The following USH2A variants were observed in gnomAD, a reference collection of about 807,000 sequenced individuals.
The protein encoded by USH2A is Usher syndrome 2A (autosomal recessive, mild).
USH2A carries 443 observed loss-of-function variants against 538.9 expected under a neutral mutation model. The observed-to-expected ratio is 0.82, with a 90% CI of 0.76 to 0.89. The LOEUF (loss-of-function observed/expected upper bound fraction) is 0.89. Among genes scored for constraint, USH2A ranks in the 40% least tolerant of loss-of-function variants. USH2A has a pLI of 0.00. For missense variants in USH2A, 6,633 were observed against 6,324.8 expected (o/e 1.05, Z -1.65); for synonymous variants, 2,413 against 2,273.5 (o/e 1.06, Z -1.75).
chr1:215,812,222 G>A (rs994946514), intron 49 of USH2A, among the ~76,000 whole-genome samples: 1 of 151,818 alleles, frequency 6.6e-6, no homozygotes, highest in Non-Finnish European at 1.5e-5. Flanking sequence ...CCGACTTCAG[G>A]TGATCCACCC....
chr1:216,073,263 C>A lies in USH2A; in HGVS notation c.5610G>T (p.Arg1870=). 1.2e-6 allele frequency: 2 copies of A among 1,613,774 alleles called. No homozygotes were observed. The highest frequency in any genetic ancestry group is 2.7e-5 in the African/African-American group (2 of 75,014). The change falls in exon 28 of 72, where the codon CGG becomes CGT. Residue 1870 remains arginine, a synonymous_variant. Coordinates refer to ENST00000307340, the MANE Select transcript of USH2A (RefSeq NM_206933.4). ...CAGATGCCAAGTTAACGACAGCACCCCGTGTAAATTTAACATCCTTCATGC... is the reference window on the plus strand; with the variant it reads ...CAGATGCCAAGTTAACGACAGCACCACGTGTAAATTTAACATCCTTCATGC... The part of the protein sequence containing the change: ...GGCMKDVKFT[R]GAVVNLASVS...
chr1:216,177,142 G>C (rs950283320), intron 20 of USH2A, among the ~76,000 whole-genome samples: 7 of 152,110 alleles, frequency 4.6e-5, no homozygotes, highest in African/African-American at 7.2e-5. Context: ...CTGCCAAACT[G>C]TCTTCCAAAG....
chr1:216,146,561 C>G (rs572230957), intron 21 of USH2A, among the ~76,000 whole-genome samples: 1 of 152,140 alleles, frequency 6.6e-6, no homozygotes, highest in Non-Finnish European at 1.5e-5. Flanking sequence ...TCTCCTTCAC[C>G]CTTAGCGGCA....
At chr1:216,106,802 C>T (rs2032746957) in intron 21 of USH2A, among the ~76,000 whole-genome samples, 1 of 151,780 alleles carries the variant, frequency 6.6e-6, no homozygotes, top group Non-Finnish European at 1.5e-5. Context: ...CATTTCTCTC[C>T]AGGCCTTACT....
rs1232775410 is a variant in USH2A at position 215,782,282 on chromosome 1, G to A, written c.10586-86C>T. 3.6e-6 allele frequency: 5 copies of A among 1,381,982 alleles called. No individual in the cohort carries two copies. The East Asian group carries it at 1.2e-4, about 32-fold the overall frequency. 85.6% of individuals were successfully genotyped at this position (1,381,982 alleles called of 1,614,324 possible). A position where few individuals can be genotyped will look rare whatever the true frequency, so the allele number is the denominator to read the frequency against. The stretch of plus-strand genomic sequence containing the variant: ...AACTTACAAATCTTAGTGTTCGGAA[G>A]AAATGCAATACTATAGCTTTATTTA... On this transcript the variant is annotated intron_variant, in intron 53 of 71. Transcript: ENST00000307340.
chr1:215,847,545 T>TGAGGCAGTAGGATGGCTTGAGCTCAG (rs1663894074), intron 44 of USH2A, among the ~76,000 whole-genome samples: 1 of 151,574 alleles, frequency 6.6e-6, no homozygotes, highest in African/African-American at 2.4e-5. Flanking sequence ...CTCAGGAAGC[T>TGAGGCAGTAGGATGGCTTGAGCTCAG]GAGGCAGTAG....
chr1:216,380,340 G>A (rs1183936621), intron 3 of USH2A, among the ~76,000 whole-genome samples: 4 of 152,216 alleles, frequency 2.6e-5, no homozygotes, highest in South Asian at 4.1e-4. Flanking sequence ...TATTTATTTG[G>A]AAGCAACACT....
At chr1:215,758,445 A>G in intron 58 of USH2A, 150 bp downstream of exon 58, 1 of 889,640 alleles carries the variant, frequency 1.1e-6, no homozygotes, top group South Asian at 1.6e-5. Context: ...CTATACACTT[A>G]GAAGTGTGGT....
chr1:215,964,017 C>T (rs938726940), intron 37 of USH2A, among the ~76,000 whole-genome samples: 4 of 152,014 alleles, frequency 2.6e-5, no homozygotes, highest in African/African-American at 9.7e-5. Context: ...GTTCTCTTGC[C>T]GCGCAGCTTT....
Position 216,360,608 on chromosome 1 carries a change from G to C in USH2A, c.784+4345C>G, listed in dbSNP as rs556118083. On this transcript the variant is annotated intron_variant, in intron 4 of 71. Coordinates refer to ENST00000307340, the MANE Select transcript of USH2A (RefSeq NM_206933.4). ...ATATACCGCTCTGGTGAGGGATATT[G>C]ACAATGGGGAAGGCTGTGCGTGTGT... Among the ~76,000 whole-genome samples the C allele has an allele frequency of 3.3e-5, 5 of 152,160 alleles. No individual in the cohort carries two copies. The South Asian group carries it at 1.0e-3, about 32-fold the overall frequency.
At chr1:215,809,999 A>C (rs933420746) in intron 49 of USH2A, among the ~76,000 whole-genome samples, 25 of 152,084 alleles carry the variant, frequency 1.6e-4, no homozygotes, top group African/African-American at 6.0e-4. Context: ...TCACAAAATA[A>C]TCTCTTCATT....
rs1662781336 is a variant in USH2A, at chr1:215,814,014, C to T, written c.9571-110G>A. 5.9e-6 allele frequency: 7 copies of T among 1,194,206 alleles called. No homozygotes were observed. The South Asian group carries it at 6.6e-5, about 11-fold the overall frequency. 74.0% of individuals were successfully genotyped at this position (1,194,206 alleles called of 1,614,324 possible). On this transcript the variant is annotated intron_variant, in intron 48 of 71. Transcript: ENST00000307340. ...CTTGTAAGGCATAGAAGATCTGAGA[C>T]CATATTACTCATATTTCGTTGGTTT...
chr1:216,024,642 GA>G (rs547736039), intron 32 of USH2A, among the ~76,000 whole-genome samples: 156 of 152,068 alleles, frequency 1.0e-3, no homozygotes, highest in Admixed American at 1.3e-3. Flanking sequence ...GCACATTGAG[GA>G]AAAGCATTTT....
At chr1:216,071,961 A>C (rs1436018754) in intron 29 of USH2A, among the ~76,000 whole-genome samples, 1 of 152,162 alleles carries the variant, frequency 6.6e-6, no homozygotes, top group East Asian at 1.9e-4. Flanking sequence ...AGAGTCTTGA[A>C]AATTATTCTT....
chr1:215,700,938 G>A lies in USH2A; in HGVS notation c.12067-20562C>T, dbSNP rs566796253. ...TAGATCTTTCCTGCTTTCTCTTGTG[G>A]GCACTTATTGCTATAAATTTCCCTC... On this transcript the variant is annotated intron_variant, in intron 61 of 71. Coordinates refer to ENST00000307340, the MANE Select transcript of USH2A (RefSeq NM_206933.4). 5.3e-5 allele frequency among the ~76,000 whole-genome samples: 8 copies of A among 152,170 alleles called. No individual in the cohort carries two copies. The East Asian group carries it at 1.2e-3, about 22-fold the overall frequency.
At chr1:216,153,257 G>A (rs919935163) in intron 21 of USH2A, among the ~76,000 whole-genome samples, 14 of 152,202 alleles carry the variant, frequency 9.2e-5, no homozygotes, top group African/African-American at 3.4e-4. Flanking sequence ...GGATGGCACA[G>A]CTAAAAGGGC....
chr1:216,358,700 T>A (rs2038435480), intron 4 of USH2A, among the ~76,000 whole-genome samples: 1 of 152,114 alleles, frequency 6.6e-6, no homozygotes, highest in Non-Finnish European at 1.5e-5. Context: ...TAAAATATCC[T>A]TTTCCTTCTG....
chr1:216,204,739 G>T (rs906046327), intron 16 of USH2A, among the ~76,000 whole-genome samples: 3 of 152,090 alleles, frequency 2.0e-5, no homozygotes, highest in African/African-American at 4.8e-5. Context: ...TGCTAGCCAC[G>T]CACTAGAAAT....
At chr1:216,013,216 C>G (rs914748075) in intron 32 of USH2A, among the ~76,000 whole-genome samples, 2 of 151,376 alleles carry the variant, frequency 1.3e-5, no homozygotes, top group African/African-American at 2.4e-5. Flanking sequence ...TCCAGGCCAT[C>G]ACCAATAATT....
Sources: allele counts gnomAD v4.1 joint callset (sites outside exome capture counted in the v4.1 genomes callset), GRCh38; gene constraint gnomAD v4.1.1; transcripts MANE v1.5; gene names NCBI Gene and HGNC (gene_info 2026-07-23, HGNC 2026-07-21).